The following GRIK4 variants were observed in gnomAD, a reference collection of about 807,000 sequenced individuals.
The protein encoded by GRIK4 is glutamate receptor ionotropic, kainate 4.
In GRIK4, 40 loss-of-function variants were observed where a neutral mutation model predicts 104.9. The observed-to-expected ratio is 0.38, with a 90% CI of 0.30 to 0.50. GRIK4 has a LOEUF of 0.50. Ranked by LOEUF, GRIK4 falls within the 20% of genes least tolerant of loss-of-function variation. The pLI is 0.93. For synonymous variants in GRIK4, 485 were observed against 524.9 expected, an observed-to-expected ratio of 0.92 and a Z score of 1.04; for missense variants, 1,047 against 1,308.1, an observed-to-expected ratio of 0.80 and a Z score of 3.08.
At chr11:120,769,467 CTT>C (rs1951899073) in intron 3 of GRIK4, among the ~76,000 whole-genome samples, 1 of 152,068 alleles carries the variant, frequency 6.6e-6, no homozygotes, top group South Asian at 2.1e-4. Flanking sequence ...TCCAATAAAA[CTT>C]TATTTGTGAT....
chr11:120,826,992 A>C (rs371115491), intron 6 of GRIK4, among the ~76,000 whole-genome samples: 1 of 152,118 alleles, frequency 6.6e-6, no homozygotes, highest in Admixed American at 6.5e-5. Flanking sequence ...TTAGGACACT[A>C]TGTGCCATAT....
At chr11:120,931,123 G>A (rs1943472969) in intron 13 of GRIK4, among the ~76,000 whole-genome samples, 1 of 152,184 alleles carries the variant, frequency 6.6e-6, no homozygotes, top group African/African-American at 2.4e-5. Context: ...GGATATCACA[G>A]CTATCTAAGG....
intron 19 of GRIK4, among the ~76,000 whole-genome samples, chr11:120,969,237 C>T (rs148043311): frequency 1.7e-3 from 260 of 152,038 alleles, no homozygotes; most frequent in African/African-American, 5.7e-3. Flanking sequence ...GGGTGAAGTG[C>T]GGAGATTACT....
At chr11:120,793,682 G>A (rs1952446783) in intron 3 of GRIK4, among the ~76,000 whole-genome samples, 1 of 151,728 alleles carries the variant, frequency 6.6e-6, no homozygotes, top group African/African-American at 2.4e-5. Context: ...AGAGTAGGGT[G>A]ACGGTTTGAG....
intron 11 of GRIK4, among the ~76,000 whole-genome samples, chr11:120,897,212 G>T (rs1032995719): frequency 1.3e-5 from 2 of 152,242 alleles, no homozygotes; most frequent in Admixed American, 1.3e-4. Flanking sequence ...ACCCATTGCT[G>T]TTGAGTTTAG....
intron 2 of GRIK4, 124 bp downstream of exon 2, chr11:120,653,916 C>T (rs1262441417): frequency 1.3e-5 from 2 of 152,196 alleles, no homozygotes; most frequent in East Asian, 1.9e-4. Context: ...CTAGTCTGGG[C>T]CTTCCCTTCC....
chr11:120,819,757 C>T lies in GRIK4; in HGVS notation c.348C>T (p.Val116=). ...TCCGTTTTTGCTCCTCTTGCCAGGT[C>T]CCTCACTTCAAAGTGGCCCCAGAGG... ...IISNICGEKE[V]PHFKVAPEEF... is the part of the protein sequence containing the mutation. Residue 116 remains valine (V), a splice_region_variant and synonymous_variant, in exon 6 of 21, where the codon GTC becomes GTT. Coordinates refer to ENST00000527524, the MANE Select transcript of GRIK4 (RefSeq NM_014619.5). This position sits in a 1 kb window ranked among gnomAD's most constrained non-coding sequence, Gnocchi z 4.3. The T allele has an allele frequency of 6.2e-7, 1 of 1,614,094 alleles. No homozygotes were observed. Among genetic ancestry groups the T allele is most frequent in the Non-Finnish European group, 8.5e-7 (1 of 1,179,958 alleles).
intron 1 of GRIK4, among the ~76,000 whole-genome samples, chr11:120,621,240 C>T (rs1326266271): frequency 1.3e-5 from 2 of 152,274 alleles, no homozygotes; most frequent in Admixed American, 1.3e-4. Context: ...ATCTTGACAA[C>T]CTTCTCCTTA....
chr11:120,919,855 G>T (rs913803170), intron 13 of GRIK4, among the ~76,000 whole-genome samples: 1 of 152,140 alleles, frequency 6.6e-6, no homozygotes, highest in African/African-American at 2.4e-5. Context: ...GCTGATTCAT[G>T]GTCTCTGGGA....
At chr11:120,665,300 A>G (rs1390626681) in intron 3 of GRIK4, among the ~76,000 whole-genome samples, 1 of 152,088 alleles carries the variant, frequency 6.6e-6, no homozygotes, top group Non-Finnish European at 1.5e-5. Context: ...GATTTGATTT[A>G]TGAAATTTTG....
At chr11:120,916,661 C>A (rs1943111084) in intron 13 of GRIK4, among the ~76,000 whole-genome samples, 1 of 152,048 alleles carries the variant, frequency 6.6e-6, no homozygotes, top group Admixed American at 6.5e-5. Context: ...CATGAAGGGT[C>A]GTAGTCAAAA....
At chr11:120,671,999 C>T (rs954061936) in intron 3 of GRIK4, among the ~76,000 whole-genome samples, 12 of 152,138 alleles carry the variant, frequency 7.9e-5, no homozygotes, top group South Asian at 4.1e-4. Context: ...TGTTTTGGCA[C>T]CAGTACCATG....
At position 120,787,424 on chromosome 11, in the gene GRIK4, GTTATTTTATT is replaced by G. The variant is rs372142776; in HGVS notation, c.83-15247_83-15238del. Among the ~76,000 whole-genome samples the G allele has an allele frequency of 1.3e-3, 191 of 151,446 alleles. 2 individuals are homozygous for G. The East Asian group carries it at 0.021, about 17-fold the overall frequency. On this transcript the variant is annotated intron_variant, in intron 3 of 20. Transcript: ENST00000527524. ...TTTAATTTCACCTATTTCTTTTGAT[GTTATTTTATT>G]TTATTTTATTTTATTTTATTTATTT...
intron 16 of GRIK4, among the ~76,000 whole-genome samples, chr11:120,958,039 C>T (rs183348042): frequency 2.0e-5 from 3 of 152,344 alleles, no homozygotes; most frequent in East Asian, 3.9e-4. Flanking sequence ...GAGGGATGGA[C>T]GATCTCAGCA....
At chr11:120,536,332 C>T (rs1245399511) in intron 1 of GRIK4, among the ~76,000 whole-genome samples, 2 of 152,176 alleles carry the variant, frequency 1.3e-5, no homozygotes, top group African/African-American at 4.8e-5. Flanking sequence ...TTCTCTGTTT[C>T]AAAAGCTTTC....
chr11:120,688,138 C>T (rs992564658), intron 3 of GRIK4, among the ~76,000 whole-genome samples: 3 of 152,130 alleles, frequency 2.0e-5, no homozygotes, highest in Non-Finnish European at 2.9e-5. Flanking sequence ...ACATACCCTC[C>T]GGAAGTGATT....
At chr11:120,929,888 A>G (rs1434869137) in intron 13 of GRIK4, among the ~76,000 whole-genome samples, 2 of 152,098 alleles carry the variant, frequency 1.3e-5, no homozygotes, top group African/African-American at 4.8e-5. Flanking sequence ...CATGACCTGA[A>G]TCTGGTTCTA....
At chr11:120,979,798 T>C (rs941250620) in intron 19 of GRIK4, among the ~76,000 whole-genome samples, 11 of 152,092 alleles carry the variant, frequency 7.2e-5, no homozygotes, top group Non-Finnish European at 1.2e-4. Context: ...ACAAGAGGAA[T>C]GCGAGACCCT....
chr11:120,856,943 C>G (rs1463733747), intron 8 of GRIK4, among the ~76,000 whole-genome samples: 1 of 152,194 alleles, frequency 6.6e-6, no homozygotes, highest in Non-Finnish European at 1.5e-5. Context: ...CCTGCTTCCC[C>G]TAGACCTCCC....
Sources: gnomAD v4.1 joint callset for allele counts (sites outside exome capture counted in the v4.1 genomes callset) on GRCh38, gnomAD v4.1.1 for gene constraint, Gnocchi (gnomAD v3.1) non-coding constraint, MANE v1.5 for transcripts, NCBI Gene and HGNC (gene_info 2026-07-23, HGNC 2026-07-21) for gene names.